CDCA2: variants seen among roughly 807,000 people sequenced by gnomAD.
The protein encoded by CDCA2 is cell division cycle-associated protein 2.
A neutral mutation model predicts 67.0 loss-of-function variants in CDCA2; 44 were observed. The observed-to-expected ratio is 0.66, with a 90% confidence interval of 0.52 to 0.84. The LOEUF is 0.84. Ranked by LOEUF, CDCA2 falls within the 40% of genes least tolerant of loss-of-function variation. The probability of loss-of-function intolerance (pLI) is 0.00; values close to 1 mark genes in which losing one functional copy is unlikely to be tolerated. For missense variants in CDCA2, 1,253 were observed against 1,203.2 expected, an observed-to-expected ratio of 1.04 and a Z score of -0.61; for synonymous variants, 447 against 418.7, an observed-to-expected ratio of 1.07 and a Z score of -0.82.
intron 13 of CDCA2, among the ~76,000 whole-genome samples, chr8:25,494,328 C>G (rs1241905731): frequency 6.6e-6 from 1 of 151,606 alleles, no homozygotes; most frequent in East Asian, 1.9e-4. Flanking sequence ...AAAAAAAATT[C>G]AGAAAAACCC....
Position 25,480,041 on chromosome 8 carries a change from A to G in CDCA2, c.949A>G (p.Arg317Gly). The G allele has an allele frequency of 1.2e-6, 2 of 1,614,202 alleles. No homozygotes were observed. Among genetic ancestry groups the G allele is most frequent in the Non-Finnish European group, 1.7e-6 (2 of 1,180,032 alleles). The change falls in exon 8 of 15, where the codon AGG (arginine) becomes GGG (glycine). Residue 317 changes from arginine (R) to glycine (G), a missense_variant. By Grantham distance (125) the Arg-to-Gly change is moderately radical. Coordinates refer to ENST00000330560, the MANE Select transcript of CDCA2 (RefSeq NM_152562.4). ...VRSPATPACR[R>G]DLPTPKTFVL... The stretch of plus-strand genomic sequence containing the variant: ...GTCACCAGCTACTCCAGCCTGCAGG[A>G]GGGACCTTCCCACCCCCAAGACCTT...
intron 3 of CDCA2, 129 bp from the exon 4 acceptor site, chr8:25,461,925 T>A (rs1802705693): frequency 6.1e-6 from 5 of 823,172 alleles, no homozygotes; most frequent in Non-Finnish European, 9.6e-6. Flanking sequence ...TGCCAGTAAC[T>A]CTCCACTGAG....
rs1563257450 is a variant in CDCA2 at position 25,462,190 on chromosome 8, A to C, written c.369A>C (p.Ala123=). 1.9e-6 allele frequency: 3 copies of C among 1,614,152 alleles called. No homozygotes were observed. The highest frequency in any genetic ancestry group is 1.7e-6 in the Non-Finnish European group (2 of 1,179,990). ...AGAATGCTAGGAAATCTCCTTTGGCACAAGATTCTCCTTCCCAGGTATGAT... is the reference window on the plus strand; with the variant it reads ...AGAATGCTAGGAAATCTCCTTTGGCCCAAGATTCTCCTTCCCAGGTATGAT... The part of the protein sequence containing the change: ...NIKNARKSPL[A]QDSPSQGSPA... Residue 123 remains alanine (A), a synonymous_variant, in exon 4 of 15, where the codon GCA becomes GCC. Transcript: ENST00000330560.
chr8:25,465,748 G>T (rs1802872829), intron 4 of CDCA2, among the ~76,000 whole-genome samples: 2 of 152,200 alleles, frequency 1.3e-5, no homozygotes, highest in South Asian at 4.1e-4. Flanking sequence ...GGGCTGGAGG[G>T]CATGTGTAGA....
At chr8:25,505,527 A>G (rs544525340) in intron 14 of CDCA2, among the ~76,000 whole-genome samples, 120 of 152,310 alleles carry the variant, frequency 7.9e-4, no homozygotes, top group African/African-American at 2.6e-3. Flanking sequence ...AAAGCTGTCT[A>G]AAGAGCCCAA....
Position 25,488,693 on chromosome 8 carries a change from A to G in CDCA2, c.1671+4A>G. 1 of 1,598,166 alleles carries G rather than the reference A, an allele frequency of 6.3e-7. No homozygotes were observed. The highest frequency in any genetic ancestry group is 8.5e-7 in the Non-Finnish European group (1 of 1,174,804). On this transcript the variant is annotated splice_donor_region_variant and intron_variant, in intron 13 of 14. Coordinates refer to ENST00000330560, the MANE Select transcript of CDCA2 (RefSeq NM_152562.4). ...AGCACTTCCTAAGAAGAGTCAGGTA[A>G]GCATGTGTTTAAAGATATAATAAAG...
At chr8:25,498,129 C>T (rs1230765568) in intron 13 of CDCA2, among the ~76,000 whole-genome samples, 1 of 152,084 alleles carries the variant, frequency 6.6e-6, no homozygotes, top group Admixed American at 6.6e-5. Context: ...AATTATGGGC[C>T]AAGGGAGAAA....
chr8:25,466,029 G>A (rs1220677268), intron 4 of CDCA2, 146 bp from the exon 5 acceptor site: 3 of 582,618 alleles, frequency 5.1e-6, no homozygotes, highest in Non-Finnish European at 8.3e-6. Context: ...CCAGGGTGAA[G>A]AAGCTCTGCC....
intron 13 of CDCA2, among the ~76,000 whole-genome samples, chr8:25,491,339 A>G (rs1340092885): frequency 6.6e-6 from 1 of 152,220 alleles, no homozygotes; most frequent in African/African-American, 2.4e-5. Context: ...AGGAGTCTTC[A>G]AGTTAAAAGC....
At chr8:25,472,912 A>G (rs926767639) in intron 7 of CDCA2, among the ~76,000 whole-genome samples, 1 of 152,176 alleles carries the variant, frequency 6.6e-6, no homozygotes, top group Non-Finnish European at 1.5e-5. Flanking sequence ...TAATACACTA[A>G]TATTGACTAT....
intron 13 of CDCA2, among the ~76,000 whole-genome samples, chr8:25,501,866 T>G (rs1804489850): frequency 6.6e-6 from 1 of 152,164 alleles, no homozygotes; most frequent in African/African-American, 2.4e-5. Context: ...GTGAATGAAT[T>G]CCACTTTCCA....
Position 25,480,057 on chromosome 8 carries a change from C to T in CDCA2, c.965C>T (p.Pro322Leu). The T allele has an allele frequency of 2.5e-6, 4 of 1,614,140 alleles. No homozygotes were observed. The highest frequency in any genetic ancestry group is 3.4e-6 in the Non-Finnish European group (4 of 1,180,024). The change falls in exon 8 of 15, where the codon CCC becomes CTC. Residue 322 changes from proline to leucine, a missense_variant. Pro to Leu is a moderately conservative substitution (Grantham distance 98, BLOSUM62 -3). Transcript: ENST00000330560. ...TPACRRDLPT[P>L]KTFVLRSVLK... ...GCCTGCAGGAGGGACCTTCCCACCC[C>T]CAAGACCTTTGTACTTCGTTCTGTA...
At chr8:25,460,352 T>G in intron 2 of CDCA2, 32 bp from the exon 3 acceptor site, 3 of 1,614,184 alleles carry the variant, frequency 1.9e-6, no homozygotes, top group Non-Finnish European at 8.5e-7. Context: ...CAGAGAGTTG[T>G]CCTCACCCCT....
intron 14 of CDCA2, among the ~76,000 whole-genome samples, chr8:25,505,710 C>T (rs1376187572): frequency 1.3e-5 from 2 of 152,102 alleles, no homozygotes; most frequent in South Asian, 2.1e-4. Context: ...ATTTAAAACA[C>T]TTTATTCATT....
chr8:25,484,119 A>G lies in CDCA2; in HGVS notation c.1274A>G (p.Asp425Gly), dbSNP rs761513414. 1.9e-6 allele frequency: 3 copies of G among 1,614,188 alleles called. No individual in the cohort carries two copies. The highest frequency in any genetic ancestry group is 2.2e-5 in the East Asian group (1 of 44,880). Residue 425 changes from aspartate (D) to glycine (G), a missense_variant, in exon 10 of 15, where the codon GAC becomes GGC. Physicochemically the swap from Asp to Gly is moderately conservative, Grantham distance 94. Coordinates refer to ENST00000330560, the MANE Select transcript of CDCA2 (RefSeq NM_152562.4). ...RKGGTPVCKK[D>G]FSGLSSLLLE... Reference sequence around the variant, plus strand: ...GGAGGAACACCTGTTTGTAAAAAAGACTTCAGTGGTCTCAGTTCCCTGCTG... The same window carrying G: ...GGAGGAACACCTGTTTGTAAAAAAGGCTTCAGTGGTCTCAGTTCCCTGCTG...
chr8:25,477,829 C>T (rs926479524), intron 7 of CDCA2, among the ~76,000 whole-genome samples: 61 of 152,116 alleles, frequency 4.0e-4, no homozygotes, highest in African/African-American at 1.4e-3. Flanking sequence ...CACCAACCTG[C>T]TCATCTCTGT....
intron 7 of CDCA2, among the ~76,000 whole-genome samples, chr8:25,471,630 G>C (rs910678237): frequency 2.6e-5 from 4 of 152,138 alleles, no homozygotes; most frequent in African/African-American, 9.7e-5. Context: ...CCAAAGTGCT[G>C]GGATTTGCCA....
At position 25,506,956 on chromosome 8, in the gene CDCA2, G is replaced by T; in HGVS notation, c.2290G>T (p.Glu764Ter). The T allele has an allele frequency of 6.2e-7, 1 of 1,613,908 alleles. No homozygotes were observed. The highest frequency in any genetic ancestry group is 8.5e-7 in the Non-Finnish European group (1 of 1,179,908). The change falls in exon 15 of 15, where the codon GAA becomes TAA. Residue 764 changes from glutamate (E) to a stop codon, truncating the protein, a stop_gained. Transcript: ENST00000330560. LOFTEE classifies it low-confidence loss of function (END_TRUNC). ...TTCACCAGATTTAAACATAAAGTGT[G>T]AAAGAAAGGATGACTTCTTAGGAGC... The part of the protein sequence containing the change: ...KISPDLNIKC[E>*]RKDDFLGAAE...
intron 7 of CDCA2, among the ~76,000 whole-genome samples, chr8:25,478,580 G>C (rs1803437922): frequency 6.6e-6 from 1 of 152,080 alleles, no homozygotes; most frequent in Admixed American, 6.5e-5. Flanking sequence ...CCCTGGCCTG[G>C]TTCTTAACCT....
Sources: gnomAD v4.1 joint callset for allele counts (sites outside exome capture counted in the v4.1 genomes callset) on GRCh38, gnomAD v4.1.1 for gene constraint, MANE v1.5 for transcripts, NCBI Gene and HGNC (gene_info 2026-07-23, HGNC 2026-07-21) for gene names.